Variants in TCERG1L observed in about 807,000 individuals in gnomAD.
The protein encoded by TCERG1L is transcription elongation regulator 1-like protein.
A neutral mutation model predicts 56.3 loss-of-function variants in TCERG1L; 37 were observed. That is an observed-to-expected ratio of 0.66 (90% CI 0.51 to 0.87). The LOEUF is 0.87. Ranked by LOEUF, TCERG1L falls within the 40% of genes least tolerant of loss-of-function variation. TCERG1L has a pLI of 0.00. For synonymous variants in TCERG1L, 324 were observed against 326.3 expected (o/e 0.99, Z 0.08); for missense variants, 799 against 774.2 (o/e 1.03, Z -0.38).
At chr10:131,229,610 A>G (rs1019454397) in intron 4 of TCERG1L, among the ~76,000 whole-genome samples, 10 of 152,164 alleles carry the variant, frequency 6.6e-5, no homozygotes, top group Non-Finnish European at 1.2e-4. Flanking sequence ...TGATTCTAGG[A>G]GGTAGATGAA....
At chr10:131,108,344 G>A (rs1236457842) in intron 9 of TCERG1L, among the ~76,000 whole-genome samples, 1 of 152,200 alleles carries the variant, frequency 6.6e-6, no homozygotes, top group Non-Finnish European at 1.5e-5. Flanking sequence ...AAGGGTAGAT[G>A]AGACTCCGTC....
At chr10:131,198,137 C>T (rs924806615) in intron 4 of TCERG1L, among the ~76,000 whole-genome samples, 1 of 152,194 alleles carries the variant, frequency 6.6e-6, no homozygotes, top group Non-Finnish European at 1.5e-5. Context: ...TGTCTCTGCC[C>T]AATGGTCTGG....
At position 131,207,197 on chromosome 10, in the gene TCERG1L, C is replaced by T. The variant is rs76968859; in HGVS notation, c.857-40312G>A. 1.9e-3 allele frequency among the ~76,000 whole-genome samples: 288 copies of T among 152,040 alleles called. 6 individuals are homozygous for T. In the East Asian group the frequency reaches 0.049, roughly 26 times the overall value. ...CTTCCCCTACCCTGATCCCCTCCCC[C>T]ACCCAATCTCCAGCTCCAGGCACAG... On this transcript the variant is annotated intron_variant, in intron 4 of 11. Coordinates refer to ENST00000368642, the MANE Select transcript of TCERG1L (RefSeq NM_174937.4).
At chr10:131,150,814 G>A (rs1845856026) in intron 6 of TCERG1L, among the ~76,000 whole-genome samples, 1 of 152,148 alleles carries the variant, frequency 6.6e-6, no homozygotes. Flanking sequence ...CCTGAGACTG[G>A]GTAATTTATA....
chr10:131,106,639 A>G (rs1239316417), intron 9 of TCERG1L, among the ~76,000 whole-genome samples: 1 of 152,132 alleles, frequency 6.6e-6, no homozygotes, highest in Non-Finnish European at 1.5e-5. Context: ...CTTGAGAGAC[A>G]GGAGAGAAGA....
At chr10:131,125,694 G>A (rs577728661) in intron 8 of TCERG1L, among the ~76,000 whole-genome samples, 107 of 152,330 alleles carry the variant, frequency 7.0e-4, no homozygotes, top group African/African-American at 2.1e-3. Context: ...TGTCGGTTCC[G>A]CCAGCTCTGC....
intron 4 of TCERG1L, among the ~76,000 whole-genome samples, chr10:131,216,440 A>C (rs997748597): frequency 6.6e-6 from 1 of 152,118 alleles, no homozygotes; most frequent in Non-Finnish European, 1.5e-5. Flanking sequence ...GCTTCTTTTG[A>C]GGTTGTTTTA....
chr10:131,097,276 G>C (rs1421151967), intron 11 of TCERG1L, among the ~76,000 whole-genome samples: 1 of 149,158 alleles, frequency 6.7e-6, no homozygotes, highest in East Asian at 2.0e-4. Context: ...AAAATACATT[G>C]TTAACCATTT....
chr10:131,148,797 AG>A (rs1845831482), intron 6 of TCERG1L, among the ~76,000 whole-genome samples: 1 of 151,732 alleles, frequency 6.6e-6, no homozygotes. Context: ...ACTTTCGCCC[AG>A]TGAGACCTGT....
chr10:131,304,266 G>C (rs1846797096), intron 3 of TCERG1L, among the ~76,000 whole-genome samples: 1 of 151,936 alleles, frequency 6.6e-6, no homozygotes. Flanking sequence ...TCCTCCCACT[G>C]CTTGATATTC....
rs1845161760 is a variant in TCERG1L, at chr10:131,180,504, T to C, written c.857-13619A>G. On this transcript the variant is annotated intron_variant, in intron 4 of 11. Coordinates refer to ENST00000368642, the MANE Select transcript of TCERG1L (RefSeq NM_174937.4). ...CGTTCACATTCATTTTCGGGTACTA[T>C]CCACTGCTAATATTGTTTCACATTA... Among the ~76,000 whole-genome samples, 2 of 152,230 alleles carry C rather than the reference T, an allele frequency of 1.3e-5. 1 individual carries two copies. Among genetic ancestry groups the C allele is most frequent in the Non-Finnish European group, 2.9e-5 (2 of 68,040 alleles).
intron 4 of TCERG1L, among the ~76,000 whole-genome samples, chr10:131,183,328 A>T (rs913172477): frequency 1.3e-5 from 2 of 152,224 alleles, no homozygotes; most frequent in Admixed American, 6.5e-5. Context: ...TATACTTACA[A>T]TGAAGCAACT....
At chr10:131,235,515 A>T (rs1211953916) in intron 4 of TCERG1L, among the ~76,000 whole-genome samples, 1 of 152,238 alleles carries the variant, frequency 6.6e-6, no homozygotes, top group African/African-American at 2.4e-5. Flanking sequence ...GATAAAGAAC[A>T]ACTAAAAACG....
chr10:131,308,224 AG>A lies in TCERG1L; in HGVS notation c.656del (p.Pro219LeufsTer14). ...TTGGGCACCAACCTGGGATGGGCTG[AG>A]GTGCTAACACCACCGTGGGGAGCGG... is the stretch of plus-strand genomic sequence containing the variant. ...SRPLPTVVLAPQPIPGGCHNS... is the reference protein window; with the variant it reads ...SRPLPTVVLAXQPIPGGCHNS... On this transcript the variant is annotated frameshift_variant, in exon 3 of 12. Coordinates refer to ENST00000368642, the MANE Select transcript of TCERG1L (RefSeq NM_174937.4). LOFTEE classifies it high-confidence loss of function. 1 of 1,612,440 alleles carries A rather than the reference AG, an allele frequency of 6.2e-7. No individual in the cohort carries two copies. Among genetic ancestry groups the A allele is most frequent in the Non-Finnish European group, 8.5e-7 (1 of 1,179,382 alleles).
chr10:131,311,351 A>T lies in TCERG1L; in HGVS notation c.285T>A (p.Ser95=), dbSNP rs1846894769. 8.3e-6 allele frequency: 10 copies of T among 1,201,116 alleles called. No individual in the cohort carries two copies. Among genetic ancestry groups the T allele is most frequent in the Admixed American group, 4.5e-5 (1 of 22,362 alleles). 74.4% of individuals were successfully genotyped at this position (1,201,116 alleles called of 1,614,324 possible). A position where few individuals can be genotyped will look rare whatever the true frequency, so the allele number is the denominator to read the frequency against. ...CGGCGGCGGCGGCGGAGTCTGGCGC[A>T]GAGGGCAGCGGCAGCAGCGGGAGCA... is the stretch of plus-strand genomic sequence containing the variant. ...EPVLPLLPLP[S]APDSAAAAAA... Residue 95 remains serine, a synonymous_variant, in exon 1 of 12, where the codon TCT becomes TCA. Transcript: ENST00000368642. This position sits in a 1 kb window ranked among gnomAD's most constrained non-coding sequence, Gnocchi z 4.0.
intron 6 of TCERG1L, chr10:131,162,856 T>C: frequency 3.0e-6 from 1 of 329,356 alleles, no homozygotes; most frequent in Non-Finnish European, 5.5e-6. Context: ...CCACTGCCTT[T>C]CGCTGATAGA....
At chr10:131,129,084 G>A (rs1203358704) in intron 8 of TCERG1L, among the ~76,000 whole-genome samples, 2 of 152,050 alleles carry the variant, frequency 1.3e-5, no homozygotes, top group Non-Finnish European at 2.9e-5. Context: ...AAAAACAAAT[G>A]AAGAAAATAA....
chr10:131,229,409 A>G (rs568061706), intron 4 of TCERG1L, among the ~76,000 whole-genome samples: 13 of 152,328 alleles, frequency 8.5e-5, no homozygotes, highest in African/African-American at 2.9e-4. Flanking sequence ...AAGAAACCCC[A>G]GCCGTCAATG....
chr10:131,127,789 G>A (rs1845578445), intron 8 of TCERG1L, among the ~76,000 whole-genome samples: 1 of 152,030 alleles, frequency 6.6e-6, no homozygotes, highest in South Asian at 2.1e-4. Context: ...GAGTCCCAGA[G>A]CCACAGACCT....
Sources: allele counts gnomAD v4.1 joint callset (sites outside exome capture counted in the v4.1 genomes callset), GRCh38; gene constraint gnomAD v4.1.1; non-coding constraint Gnocchi (gnomAD v3.1); transcripts MANE v1.5; gene names NCBI Gene and HGNC (gene_info 2026-07-23, HGNC 2026-07-21).